Variants in SPTLC2 observed in about 807,000 individuals in gnomAD.
SPTLC2 encodes serine palmitoyltransferase long chain base subunit 2.
A neutral mutation model predicts 62.0 loss-of-function variants in SPTLC2; 21 were observed. The observed-to-expected ratio is 0.34, with a 90% CI of 0.24 to 0.49. The LOEUF (loss-of-function observed/expected upper bound fraction) is 0.49. Ranked by LOEUF, SPTLC2 falls within the 20% of genes least tolerant of loss-of-function variation. The probability of loss-of-function intolerance (pLI) is 0.99; values close to 1 mark genes in which losing one functional copy is unlikely to be tolerated. For synonymous variants in SPTLC2, 261 were observed against 261.8 expected, an observed-to-expected ratio of 1.00 and a Z score of 0.03; for missense variants, 511 against 713.0, an observed-to-expected ratio of 0.72 and a Z score of 3.23.
At chr14:77,534,297 T>C (rs1027560765) in intron 9 of SPTLC2, among the ~76,000 whole-genome samples, 1 of 151,834 alleles carries the variant, frequency 6.6e-6, no homozygotes, top group African/African-American at 2.4e-5. Flanking sequence ...ATATAAATAA[T>C]AGGTTTCATC....
chr14:77,570,419 T>C lies in SPTLC2; in HGVS notation c.721A>G (p.Thr241Ala), dbSNP rs781282316. ...AGAGCAGGAATGTTCATTGAATTCG[T>C]TGCAAATCCCATGCCATACGCCATA... ...AAMAYGMGFA[T>A]NSMNIPALVG... The change falls in exon 5 of 12, where the codon ACG becomes GCG. Residue 241 changes from threonine to alanine, a missense_variant. Physicochemically the swap from Thr to Ala is moderately conservative, Grantham distance 58. Coordinates refer to ENST00000216484, the MANE Select transcript of SPTLC2 (RefSeq NM_004863.4). 14 of 1,613,776 alleles carry C rather than the reference T, an allele frequency of 8.7e-6. No individual in the cohort carries two copies. Among genetic ancestry groups the C allele is most frequent in the Middle Eastern group, 1.6e-4 (1 of 6,084 alleles).
chr14:77,614,240 G>C lies in SPTLC2; in HGVS notation c.132+2208C>G, dbSNP rs542365210. On this transcript the variant is annotated intron_variant, in intron 1 of 11. Coordinates refer to ENST00000216484, the MANE Select transcript of SPTLC2 (RefSeq NM_004863.4). ...TCATTCTATAAATGCTAAATTGTTA[G>C]AGATTATGGGAGAAAGGTCCTTGAT... Among the ~76,000 whole-genome samples, 10 of 152,328 alleles carry C rather than the reference G, an allele frequency of 6.6e-5. No individual in the cohort carries two copies. The East Asian group carries it at 1.7e-3, about 26-fold the overall frequency.
chr14:77,588,890 G>A (rs12433737), intron 2 of SPTLC2, among the ~76,000 whole-genome samples: 11,640 of 146,764 alleles, frequency 0.079, 591 homozygotes, highest in Admixed American at 0.16. Context: ...CAGCAACTCC[G>A]GAGGCTGAGG....
intron 11 of SPTLC2, among the ~76,000 whole-genome samples, chr14:77,516,253 G>A (rs889923302): frequency 6.6e-6 from 1 of 152,078 alleles, no homozygotes; most frequent in African/African-American, 2.4e-5. Context: ...TTATGAAAAG[G>A]ATTAGAACTC....
At chr14:77,605,283 T>C (rs935338150) in intron 1 of SPTLC2, among the ~76,000 whole-genome samples, 11 of 152,106 alleles carry the variant, frequency 7.2e-5, no homozygotes, top group African/African-American at 2.4e-4. Flanking sequence ...AGTGCTGGAA[T>C]TGCAGGCATA....
chr14:77,558,744 C>A lies in SPTLC2; in HGVS notation c.851-1598G>T, dbSNP rs566550705. On this transcript the variant is annotated intron_variant, in intron 6 of 11. Transcript: ENST00000216484. ...TCAAGTGATTCTCCAGCCTCAGCCT[C>A]CTGAGTAGCTGGGATTACAGGTGCA... Among the ~76,000 whole-genome samples, 401 of 152,016 alleles carry A rather than the reference C, an allele frequency of 2.6e-3. 2 individuals carry two copies. Among genetic ancestry groups the A allele is most frequent in the Non-Finnish European group, 4.0e-3 (275 of 67,998 alleles).
At chr14:77,544,834 C>A (rs61990763) in intron 9 of SPTLC2, among the ~76,000 whole-genome samples, 25,243 of 152,144 alleles carry the variant, frequency 0.17, 2,489 homozygotes, top group East Asian at 0.31. Context: ...ACATGACTAC[C>A]CCTGGTATCT....
Position 77,616,601 on chromosome 14 carries a change from A to C in SPTLC2, c.-22T>G, listed in dbSNP as rs1027710768. ...GCATCTTCCTGGCAGCACCAGGCGC[A>C]AGGCAGGCTCTGTAGGCGGTGGCAG... On this transcript the variant is annotated 5_prime_UTR_variant, in exon 1 of 12. Transcript: ENST00000216484. 8 of 1,536,846 alleles carry C rather than the reference A, an allele frequency of 5.2e-6. No individual in the cohort carries two copies. The highest frequency in any genetic ancestry group is 7.0e-6 in the Non-Finnish European group (8 of 1,147,390).
intron 2 of SPTLC2, among the ~76,000 whole-genome samples, chr14:77,584,110 T>A (rs999880239): frequency 6.6e-6 from 1 of 152,220 alleles, no homozygotes; most frequent in African/African-American, 2.4e-5. Flanking sequence ...TCTAGGGACA[T>A]CTCAATAAGA....
intron 6 of SPTLC2, among the ~76,000 whole-genome samples, chr14:77,558,022 T>C (rs1456215089): frequency 1.3e-5 from 2 of 151,528 alleles, no homozygotes; most frequent in African/African-American, 4.9e-5. Flanking sequence ...GAATACTTAA[T>C]AGGGGTGGGA....
chr14:77,612,632 G>C (rs748763936), intron 1 of SPTLC2, among the ~76,000 whole-genome samples: 1 of 152,054 alleles, frequency 6.6e-6, no homozygotes, highest in Non-Finnish European at 1.5e-5. Context: ...CATAACTATC[G>C]TCTCCTTTTC....
chr14:77,601,193 C>T (rs990397825), intron 1 of SPTLC2, among the ~76,000 whole-genome samples: 2 of 152,112 alleles, frequency 1.3e-5, no homozygotes, highest in African/African-American at 4.8e-5. Context: ...GTGACCTGCA[C>T]GTATACATCT....
intron 11 of SPTLC2, among the ~76,000 whole-genome samples, chr14:77,517,269 T>C (rs558271626): frequency 4.3e-4 from 65 of 152,194 alleles, no homozygotes; most frequent in African/African-American, 1.4e-3. Flanking sequence ...AATTAGTAGC[T>C]CTCTAACTCA....
chr14:77,575,158 G>A lies in SPTLC2; in HGVS notation c.631+1609C>T, dbSNP rs536427438. On this transcript the variant is annotated intron_variant, in intron 4 of 11. Transcript: ENST00000216484. ...GATGGCTGGAGTACCGAAGTTTGAG[G>A]CTGAAGTGAGCTGACTGCACCACCG... is the stretch of plus-strand genomic sequence containing the variant. Among the ~76,000 whole-genome samples, 11 of 152,280 alleles carry A rather than the reference G, an allele frequency of 7.2e-5. No homozygotes were observed. In the East Asian group the frequency reaches 2.1e-3, roughly 29 times the overall value.
intron 1 of SPTLC2, among the ~76,000 whole-genome samples, chr14:77,601,847 A>G (rs1317380137): frequency 1.3e-5 from 2 of 152,162 alleles, no homozygotes; most frequent in Non-Finnish European, 2.9e-5. Context: ...ATTTTCTGAT[A>G]GAGACAAAGG....
intron 5 of SPTLC2, among the ~76,000 whole-genome samples, chr14:77,564,560 A>G (rs1174210978): frequency 6.6e-6 from 1 of 152,088 alleles, no homozygotes; most frequent in Non-Finnish European, 1.5e-5. Flanking sequence ...CCTAGTTCCC[A>G]GACCTTGGTT....
At chr14:77,531,653 A>C (rs548561755) in intron 9 of SPTLC2, among the ~76,000 whole-genome samples, 1 of 152,080 alleles carries the variant, frequency 6.6e-6, no homozygotes, top group South Asian at 2.1e-4. Context: ...AGCTGGGATT[A>C]AGGCAAGTGC....
intron 9 of SPTLC2, among the ~76,000 whole-genome samples, chr14:77,549,294 C>T (rs2079544366): frequency 6.6e-6 from 1 of 151,974 alleles, no homozygotes; most frequent in Non-Finnish European, 1.5e-5. Context: ...TCTAGTTCCC[C>T]ACCCCTTCAA....
At chr14:77,528,235 CTTCTT>C (rs2079418577) in intron 9 of SPTLC2, among the ~76,000 whole-genome samples, 1 of 151,850 alleles carries the variant, frequency 6.6e-6, no homozygotes, top group South Asian at 2.1e-4. Context: ...CTCTTTTCCT[CTTCTT>C]TTTTTTTTGA....
Sources: gnomAD v4.1 joint callset for allele counts (sites outside exome capture counted in the v4.1 genomes callset) on GRCh38, gnomAD v4.1.1 for gene constraint, MANE v1.5 for transcripts, NCBI Gene and HGNC (gene_info 2026-07-23, HGNC 2026-07-21) for gene names.